The following NCKAP1L variants were observed in gnomAD, a reference collection of about 807,000 sequenced individuals.
The protein encoded by NCKAP1L is nck-associated protein 1-like.
In NCKAP1L, 53 loss-of-function variants were observed where a neutral mutation model predicts 139.2. The ratio of observed to expected loss-of-function variants is 0.38; its 90% CI spans 0.31 to 0.48. The LOEUF (loss-of-function observed/expected upper bound fraction) is 0.48. Among genes scored for constraint, NCKAP1L ranks in the 20% least tolerant of loss-of-function variants. NCKAP1L has a pLI of 0.98. For missense variants in NCKAP1L, 1,151 were observed against 1,381.9 expected (o/e 0.83, Z 2.65); for synonymous variants, 468 against 499.7 (o/e 0.94, Z 0.85).
At chr12:54,532,029 T>C in intron 25 of NCKAP1L, 141 bp from the exon 26 acceptor site, 1 of 771,474 alleles carries the variant, frequency 1.3e-6, no homozygotes, top group Admixed American at 2.9e-5. Flanking sequence ...CCTAGAGGCA[T>C]AAGGAGAGGG....
At chr12:54,542,288 G>A (rs1957164015) in intron 30 of NCKAP1L, among the ~76,000 whole-genome samples, 1 of 152,330 alleles carries the variant, frequency 6.6e-6, no homozygotes, top group South Asian at 2.1e-4. Context: ...CAGAATGGGA[G>A]AGAATGGGTT....
chr12:54,501,589 C>T (rs1956798322), intron 3 of NCKAP1L, among the ~76,000 whole-genome samples: 1 of 151,852 alleles, frequency 6.6e-6, no homozygotes, highest in South Asian at 2.1e-4. Flanking sequence ...ACTGCTGCCT[C>T]GACCTCCTAG....
intron 12 of NCKAP1L, 54 bp from the exon 13 acceptor site, chr12:54,517,752 C>T: frequency 1.2e-6 from 2 of 1,607,922 alleles, no homozygotes; most frequent in African/African-American, 1.3e-5. Flanking sequence ...CTGTGTTTGT[C>T]TCAGTTCATA....
intron 29 of NCKAP1L, among the ~76,000 whole-genome samples, chr12:54,538,459 C>G (rs1366576003): frequency 6.6e-6 from 1 of 152,202 alleles, no homozygotes; most frequent in African/African-American, 2.4e-5. Flanking sequence ...TGGGAATTGA[C>G]TGGAGAATAC....
At position 54,536,253 on chromosome 12, in the gene NCKAP1L, A is replaced by G; in HGVS notation, c.3073+8A>G. ...ATAGCATTGAGAAGGATGGTAAGTA[A>G]GGGGTAGGTTTGAGACACCAGTGCT... On this transcript the variant is annotated splice_region_variant and intron_variant, in intron 28 of 30. Transcript: ENST00000293373. 2 of 1,589,652 alleles carry G rather than the reference A, an allele frequency of 1.3e-6. No homozygotes were observed. The highest frequency in any genetic ancestry group is 1.7e-6 in the Non-Finnish European group (2 of 1,158,948).
chr12:54,524,826 CGGTGCTGGT>C (rs770078150), intron 20 of NCKAP1L, among the ~76,000 whole-genome samples: 37 of 151,930 alleles, frequency 2.4e-4, no homozygotes, highest in Non-Finnish European at 4.0e-4. Context: ...GGAGGATGTG[CGGTGCTGGT>C]GGTGCTGGTG....
chr12:54,536,004 T>C, intron 27 of NCKAP1L, 125 bp from the exon 28 acceptor site: 1 of 692,322 alleles, frequency 1.4e-6, no homozygotes. Context: ...CTTTATAAAG[T>C]GTTTTCATGG....
At chr12:54,506,069 G>A (rs977626160) in intron 3 of NCKAP1L, among the ~76,000 whole-genome samples, 1 of 152,160 alleles carries the variant, frequency 6.6e-6, no homozygotes, top group Non-Finnish European at 1.5e-5. Context: ...GCCATTATGC[G>A]TAAGTTGCTA....
chr12:54,508,335 G>A, intron 4 of NCKAP1L, 54 bp from the exon 5 acceptor site: 4 of 1,586,240 alleles, frequency 2.5e-6, no homozygotes, highest in Non-Finnish European at 2.6e-6. Context: ...GAAAGAAGGA[G>A]ATCCAGGTTA....
intron 7 of NCKAP1L, chr12:54,510,323 A>G (rs1956877064): frequency 4.4e-6 from 2 of 453,870 alleles, no homozygotes; most frequent in Non-Finnish European, 8.4e-6. Flanking sequence ...GGAATCAATT[A>G]ACTTATTTTT....
chr12:54,545,761 A>G lies in NCKAP1L; in HGVS notation c.*3076A>G, dbSNP rs988801427. The G allele has an allele frequency of 6.6e-6, 1 of 152,260 alleles. No individual in the cohort carries two copies. The highest frequency in any genetic ancestry group is 2.4e-5 in the African/African-American group (1 of 41,474). The allele number at this position is 152,260 out of a possible 1,614,324, so 9.4% of individuals were successfully genotyped here. A position where few individuals can be genotyped will look rare whatever the true frequency, so the allele number is the denominator to read the frequency against. On this transcript the variant is annotated 3_prime_UTR_variant, in exon 31 of 31. Transcript: ENST00000293373. Reference sequence around the variant, plus strand: ...GGTTCTAGCCTCAGCATTTTCATTAATGTAGTGTTTTTATTAACATCTCCA... The same window carrying G: ...GGTTCTAGCCTCAGCATTTTCATTAGTGTAGTGTTTTTATTAACATCTCCA...
At chr12:54,518,296 C>T (rs1452265177) in intron 13 of NCKAP1L, among the ~76,000 whole-genome samples, 5 of 151,628 alleles carry the variant, frequency 3.3e-5, no homozygotes, top group East Asian at 3.9e-4. Context: ...GAGCCGAGAT[C>T]GCGCCACTGC....
intron 30 of NCKAP1L, among the ~76,000 whole-genome samples, chr12:54,539,529 C>G (rs1957141049): frequency 6.6e-6 from 1 of 152,238 alleles, no homozygotes; most frequent in African/African-American, 2.4e-5. Context: ...CTTCTCTCTA[C>G]TCTGGCAGAA....
intron 9 of NCKAP1L, among the ~76,000 whole-genome samples, chr12:54,515,190 A>G (rs1443354618): frequency 2.0e-5 from 3 of 152,206 alleles, no homozygotes; most frequent in Non-Finnish European, 4.4e-5. Flanking sequence ...ATAATTATCC[A>G]ATAGATTGCT....
intron 3 of NCKAP1L, among the ~76,000 whole-genome samples, chr12:54,506,797 ATATATATATAT>A (rs1277453507): frequency 1.8e-4 from 2 of 11,258 alleles, no homozygotes; most frequent in African/African-American, 7.1e-4. Flanking sequence ...AAAAAAAAAA[ATATATATATAT>A]ATATATATAT....
chr12:54,522,995 T>G (rs572763643), intron 18 of NCKAP1L, among the ~76,000 whole-genome samples: 9 of 152,332 alleles, frequency 5.9e-5, no homozygotes, highest in African/African-American at 2.2e-4. Context: ...GTATGTGAGA[T>G]GATTGTCCCA....
At chr12:54,527,414 A>AAT (rs1957035241) in intron 21 of NCKAP1L, among the ~76,000 whole-genome samples, 1 of 152,188 alleles carries the variant, frequency 6.6e-6, no homozygotes, top group African/African-American at 2.4e-5. Flanking sequence ...AGGAAAGGTA[A>AAT]ATGGATGTGC....
intron 1 of NCKAP1L, among the ~76,000 whole-genome samples, chr12:54,498,247 T>G (rs1485038344): frequency 6.6e-6 from 1 of 152,178 alleles, no homozygotes; most frequent in Non-Finnish European, 1.5e-5. Flanking sequence ...GTTGATCCTC[T>G]ACACTCTGAA....
At chr12:54,506,656 C>T (rs1370439434) in intron 3 of NCKAP1L, among the ~76,000 whole-genome samples, 1 of 149,098 alleles carries the variant, frequency 6.7e-6, no homozygotes, top group African/African-American at 2.5e-5. Context: ...CTCTCTTGAA[C>T]TCCTGGCCTC....
Sources: allele counts gnomAD v4.1 joint callset (sites outside exome capture counted in the v4.1 genomes callset), GRCh38; gene constraint gnomAD v4.1.1; transcripts MANE v1.5; gene names NCBI Gene and HGNC (gene_info 2026-07-23, HGNC 2026-07-21).